The following CALN1 variants were observed in gnomAD, a reference collection of about 807,000 sequenced individuals.
The protein encoded by CALN1 is calcium-binding protein 8.
CALN1 carries 17 observed loss-of-function variants against 30.6 expected under a neutral mutation model. The ratio of observed to expected loss-of-function variants is 0.56; its 90% CI spans 0.38 to 0.83. The LOEUF (loss-of-function observed/expected upper bound fraction) is 0.83. CALN1 is among the 40% of genes least tolerant of loss of function. CALN1 has a pLI of 0.00. For missense variants in CALN1, 291 were observed against 354.9 expected (o/e 0.82, Z 1.45); for synonymous variants, 156 against 131.4 (o/e 1.19, Z -1.28).
At chr7:72,397,763 C>T (rs1038850379) in intron 2 of CALN1, among the ~76,000 whole-genome samples, 6 of 137,532 alleles carry the variant, frequency 4.4e-5, no homozygotes, top group Non-Finnish European at 7.7e-5. Context: ...TTGCTCCAAC[C>T]AAAGTGGGTC....
At chr7:72,446,926 G>A (rs1455123715) in intron 1 of CALN1, 1 of 152,454 alleles carries the variant, frequency 6.6e-6, no homozygotes, top group Non-Finnish European at 1.5e-5. Context: ...AATTGGAGAG[G>A]AGGAAGAGGG....
intron 3 of CALN1, among the ~76,000 whole-genome samples, chr7:72,243,593 C>G (rs943551962): frequency 2.6e-5 from 4 of 152,212 alleles, no homozygotes; most frequent in African/African-American, 4.8e-5. Flanking sequence ...CCAGCGCTCC[C>G]CACTCCTCCG....
At chr7:71,939,403 C>CAAAAAAAAA (rs56368426) in intron 5 of CALN1, among the ~76,000 whole-genome samples, 1 of 105,452 alleles carries the variant, frequency 9.5e-6, no homozygotes, top group Admixed American at 9.9e-5. Flanking sequence ...ACTAAAAATA[C>CAAAAAAAAA]AAAAAAAAAA....
chr7:72,247,208 T>A (rs2129551755), intron 3 of CALN1, among the ~76,000 whole-genome samples: 1 of 146,936 alleles, frequency 6.8e-6, no homozygotes, highest in South Asian at 2.2e-4. Context: ...GCAAGGGTTT[T>A]CAACAGACCA....
At chr7:72,183,419 A>T (rs1789958646) in intron 3 of CALN1, among the ~76,000 whole-genome samples, 1 of 152,204 alleles carries the variant, frequency 6.6e-6, no homozygotes, top group South Asian at 2.1e-4. Context: ...GAGAGTCTAG[A>T]AGTATACCTT....
intron 5 of CALN1, among the ~76,000 whole-genome samples, chr7:71,997,336 C>T (rs780281189): frequency 3.3e-5 from 5 of 151,868 alleles, no homozygotes; most frequent in Non-Finnish European, 5.9e-5. Context: ...GGACAGATGA[C>T]AGATGTCAAA....
intron 2 of CALN1, among the ~76,000 whole-genome samples, chr7:72,374,399 G>C (rs956567584): frequency 6.6e-6 from 1 of 151,728 alleles, no homozygotes; most frequent in Non-Finnish European, 1.5e-5. Context: ...TGTGGTGGAG[G>C]GCGCCTGTAA....
chr7:72,036,833 T>C (rs975993867), intron 4 of CALN1, among the ~76,000 whole-genome samples: 2 of 151,548 alleles, frequency 1.3e-5, no homozygotes, highest in African/African-American at 4.9e-5. Context: ...CATTCTTTCT[T>C]GTTTCTTTTA....
In CALN1 at chr7:72,338,525, G is replaced by GTGTGTGTGTGTGTGTGTGTCTGTCTGTC; in HGVS notation, c.120-59716_120-59715insGACAGACAGACACACACACACACACACA. On this transcript the variant is annotated intron_variant, in intron 2 of 6. Coordinates refer to ENST00000395275, the MANE Select transcript of CALN1 (RefSeq NM_031468.4). ...TGTGTGTGTGTGTGTGTGTGTGTGTGTGTCTCACCTGGGTGTGGTTTCAGA... is the reference window on the plus strand; with the variant it reads ...TGTGTGTGTGTGTGTGTGTGTGTGTGTGTGTGTGTGTGTGTGTGTCTGTCTGTCTGTCTCACCTGGGTGTGGTTTCAGA... Among the ~76,000 whole-genome samples the GTGTGTGTGTGTGTGTGTGTCTGTCTGTC allele has an allele frequency of 9.2e-4, 113 of 122,362 alleles. 1 individual carries two copies. The highest frequency in any genetic ancestry group is 1.4e-3 in the Non-Finnish European group (81 of 57,738). The allele number at this position is 122,362 out of a possible 152,430, so 80.3% of individuals were successfully genotyped here.
rs572084533 is a variant in CALN1 at position 71,898,013 on chromosome 7, G to C, written c.502-87521C>G. Among the ~76,000 whole-genome samples, 232 of 80,152 alleles carry C rather than the reference G, an allele frequency of 2.9e-3. 1 individual carries two copies. Among genetic ancestry groups the C allele is most frequent in the Non-Finnish European group, 4.7e-3 (192 of 40,448 alleles). 52.6% of individuals were successfully genotyped at this position (80,152 alleles called of 152,430 possible). Reference sequence around the variant, plus strand: ...AAAAAGAGAGAGAGAGGGAGGGAGGGGGGGGGAGAGAGAGAGAGAGAGAGA... The same window carrying C: ...AAAAAGAGAGAGAGAGGGAGGGAGGCGGGGGGAGAGAGAGAGAGAGAGAGA... On this transcript the variant is annotated intron_variant, in intron 5 of 6. Coordinates refer to ENST00000395275, the MANE Select transcript of CALN1 (RefSeq NM_031468.4).
chr7:71,795,811 A>ATTTTTTT (rs1584233372), intron 6 of CALN1, among the ~76,000 whole-genome samples: 5 of 111,564 alleles, frequency 4.5e-5, no homozygotes, highest in African/African-American at 1.7e-4. Flanking sequence ...CCAGTACTTC[A>ATTTTTTT]TTCTTTTTTT....
chr7:72,112,988 G>C (rs1214141856), intron 3 of CALN1, among the ~76,000 whole-genome samples: 1 of 152,204 alleles, frequency 6.6e-6, no homozygotes, highest in Non-Finnish European at 1.5e-5. Context: ...GGGAAAATGT[G>C]GCAAGACACG....
In CALN1 at chr7:72,282,644, T is replaced by A. The variant is rs563975778; in HGVS notation, c.120-3834A>T. On this transcript the variant is annotated intron_variant, in intron 2 of 6. Coordinates refer to ENST00000395275, the MANE Select transcript of CALN1 (RefSeq NM_031468.4). ...TCACCAGACACAAAATCTATAGGTGTCTCGATCTTGGACTTCCCAACCCAT... is the reference window on the plus strand; with the variant it reads ...TCACCAGACACAAAATCTATAGGTGACTCGATCTTGGACTTCCCAACCCAT... 2.0e-5 allele frequency among the ~76,000 whole-genome samples: 3 copies of A among 152,340 alleles called. No homozygotes were observed. In the South Asian group the frequency reaches 6.2e-4, roughly 32 times the overall value.
chr7:72,260,817 C>T (rs1246974864), intron 3 of CALN1, among the ~76,000 whole-genome samples: 3 of 152,160 alleles, frequency 2.0e-5, no homozygotes, highest in African/African-American at 7.2e-5. Context: ...GAGAAGCAAG[C>T]TCTCCAAAGT....
chr7:72,278,550 C>A, intron 3 of CALN1, 136 bp downstream of exon 3: 1 of 1,148,286 alleles, frequency 8.7e-7, no homozygotes, highest in Non-Finnish European at 1.2e-6. Context: ...GAACTCTTTC[C>A]CATTATGCCA....
intron 5 of CALN1, among the ~76,000 whole-genome samples, chr7:71,821,530 C>T (rs149336662): frequency 4.6e-5 from 7 of 152,218 alleles, no homozygotes; most frequent in African/African-American, 1.7e-4. Flanking sequence ...CTCACTACCA[C>T]CAGAACGGTA....
At chr7:72,290,479 G>A (rs1013103301) in intron 2 of CALN1, among the ~76,000 whole-genome samples, 1 of 152,120 alleles carries the variant, frequency 6.6e-6, no homozygotes, top group African/African-American at 2.4e-5. Flanking sequence ...CTCTCCTGGA[G>A]AGTTGACTTT....
chr7:71,947,560 A>C (rs950988051), intron 5 of CALN1, among the ~76,000 whole-genome samples: 4 of 152,192 alleles, frequency 2.6e-5, no homozygotes, highest in African/African-American at 9.7e-5. Flanking sequence ...AAGTGAAGAA[A>C]ATTATACTGG....
At chr7:72,208,005 T>C (rs955425505) in intron 3 of CALN1, among the ~76,000 whole-genome samples, 22 of 152,202 alleles carry the variant, frequency 1.4e-4, no homozygotes, top group Admixed American at 1.3e-3. Context: ...TATCAATGTA[T>C]TGTTAAACTC....
Sources: allele counts gnomAD v4.1 joint callset (sites outside exome capture counted in the v4.1 genomes callset), GRCh38; gene constraint gnomAD v4.1.1; transcripts MANE v1.5; gene names NCBI Gene and HGNC (gene_info 2026-07-23, HGNC 2026-07-21).